The following COL8A1 variants were observed in gnomAD, a reference collection of about 807,000 sequenced individuals.
The protein encoded by COL8A1 is collagen alpha-1(VIII) chain.
Under a neutral mutation model 42.7 loss-of-function variants are expected in COL8A1, and 21 were observed. The observed-to-expected ratio is 0.49, with a 90% CI of 0.35 to 0.71. The LOEUF is 0.71. Ranked by LOEUF, COL8A1 falls within the 30% of genes least tolerant of loss-of-function variation. The probability of loss-of-function intolerance (pLI) is 0.01; values close to 1 mark genes in which losing one functional copy is unlikely to be tolerated. For synonymous variants in COL8A1, 367 were observed against 369.1 expected (o/e 0.99, Z 0.06); for missense variants, 788 against 962.4 (o/e 0.82, Z 2.40).
intron 1 of COL8A1, among the ~76,000 whole-genome samples, chr3:99,670,851 G>A (rs1938521297): frequency 6.6e-6 from 1 of 151,590 alleles, no homozygotes; most frequent in African/African-American, 2.4e-5. Context: ...TATATCTATG[G>A]CTGGTTTAAG....
intron 2 of COL8A1, among the ~76,000 whole-genome samples, chr3:99,776,285 A>T (rs1941690954): frequency 6.6e-6 from 1 of 152,164 alleles, no homozygotes; most frequent in Non-Finnish European, 1.5e-5. Flanking sequence ...AGGGGAAAAA[A>T]CAGAAAGTCT....
chr3:99,722,894 T>A (rs940168637), intron 1 of COL8A1, among the ~76,000 whole-genome samples: 1 of 152,086 alleles, frequency 6.6e-6, no homozygotes, highest in East Asian at 1.9e-4. Flanking sequence ...AGAACACATT[T>A]ACCTGTTAAT....
chr3:99,689,900 G>A (rs1181207712), intron 1 of COL8A1, among the ~76,000 whole-genome samples: 2 of 152,062 alleles, frequency 1.3e-5, no homozygotes, highest in Non-Finnish European at 2.9e-5. Flanking sequence ...TGCTGAAAGC[G>A]GTCACACCCA....
chr3:99,721,241 T>C (rs888381498), intron 1 of COL8A1, among the ~76,000 whole-genome samples: 10 of 151,864 alleles, frequency 6.6e-5, no homozygotes, highest in African/African-American at 2.2e-4. Flanking sequence ...GTGAGTTGTG[T>C]AATGTAATAT....
intron 1 of COL8A1, among the ~76,000 whole-genome samples, chr3:99,726,626 C>A (rs200151812): frequency 1.2e-4 from 19 of 152,010 alleles, no homozygotes; most frequent in African/African-American, 3.4e-4. Flanking sequence ...AGCTTTCTAC[C>A]TATGGCTATC....
chr3:99,735,563 T>C (rs1413838186), intron 1 of COL8A1, among the ~76,000 whole-genome samples: 1 of 150,850 alleles, frequency 6.6e-6, no homozygotes, highest in African/African-American at 2.5e-5. Flanking sequence ...CAGTATTTTA[T>C]TGAGGATTTT....
chr3:99,707,179 C>T (rs62281858), intron 1 of COL8A1: 12,949 of 152,158 alleles, frequency 0.085, 634 homozygotes, highest in Middle Eastern at 0.11. Flanking sequence ...GGTAAGGCCC[C>T]GGTCTCTCTA....
intron 1 of COL8A1, among the ~76,000 whole-genome samples, chr3:99,696,925 CTTG>C (rs1472697620): frequency 3.3e-5 from 5 of 149,506 alleles, no homozygotes; most frequent in Non-Finnish European, 5.9e-5. Context: ...ACAAAAATAA[CTTG>C]TTGTAATTTA....
At chr3:99,705,614 C>G (rs899966516) in intron 1 of COL8A1, among the ~76,000 whole-genome samples, 14 of 152,226 alleles carry the variant, frequency 9.2e-5, no homozygotes, top group Non-Finnish European at 1.9e-4. Context: ...TATCATAATA[C>G]TGGTTGATAA....
intron 2 of COL8A1, among the ~76,000 whole-genome samples, chr3:99,760,129 G>C (rs961875378): frequency 6.6e-6 from 1 of 151,648 alleles, no homozygotes; most frequent in Non-Finnish European, 1.5e-5. Flanking sequence ...AAATCAACTA[G>C]AGACTCAAAA....
rs564448411 is a variant in COL8A1, at chr3:99,714,285, C to T, written c.-128-30612C>T. 2.2e-4 allele frequency among the ~76,000 whole-genome samples: 34 copies of T among 152,200 alleles called. No individual in the cohort carries two copies. The South Asian group carries it at 4.6e-3, about 20-fold the overall frequency. On this transcript the variant is annotated intron_variant, in intron 1 of 3. Transcript: ENST00000652472. ...CTTCCTAAAACCTGACCTACCTCAA[C>T]GTCATGACCAGAGATTACATTCTAT...
At chr3:99,738,725 G>T (rs1479359687) in intron 1 of COL8A1, among the ~76,000 whole-genome samples, 1 of 133,700 alleles carries the variant, frequency 7.5e-6, no homozygotes, top group Non-Finnish European at 1.7e-5. Flanking sequence ...AGGCAGGCAG[G>T]CCTCCTTGAG....
chr3:99,676,495 ATAAAT>A (rs1481019873), intron 1 of COL8A1, among the ~76,000 whole-genome samples: 1 of 152,164 alleles, frequency 6.6e-6, no homozygotes, highest in African/African-American at 2.4e-5. Context: ...AAATCACAAA[ATAAAT>A]TCAATAGATT....
At chr3:99,707,888 A>G (rs1939726953) in intron 1 of COL8A1, among the ~76,000 whole-genome samples, 1 of 152,090 alleles carries the variant, frequency 6.6e-6, no homozygotes, top group South Asian at 2.1e-4. Context: ...ACCCCATGAG[A>G]CAGATAGTGT....
chr3:99,766,173 G>T (rs945031854), intron 2 of COL8A1, among the ~76,000 whole-genome samples: 1 of 152,146 alleles, frequency 6.6e-6, no homozygotes, highest in Non-Finnish European at 1.5e-5. Flanking sequence ...TAATTGTCAG[G>T]CATCACCATT....
Position 99,790,766 on chromosome 3 carries a change from TGCCTACTATG to T in COL8A1, c.86_95del (p.Ala29GlyfsTer59). 2 of 1,614,166 alleles carry T rather than the reference TGCCTACTATG, an allele frequency of 1.2e-6. No homozygotes were observed. The highest frequency in any genetic ancestry group is 1.7e-6 in the Non-Finnish European group (2 of 1,180,040). ...GTTCCATCAGGCTCATTCAGGCTGGTGCCTACTATGGGATCAAGCCGCTGCCACCTCAAAT... is the reference window on the plus strand; with the variant it reads ...GTTCCATCAGGCTCATTCAGGCTGGTGGATCAAGCCGCTGCCACCTCAAAT... On this transcript the variant is annotated frameshift_variant, in exon 3 of 4. Coordinates refer to ENST00000652472, the MANE Select transcript of COL8A1 (RefSeq NM_020351.4). LOFTEE classifies it high-confidence loss of function.
chr3:99,794,475 A>G lies in COL8A1; in HGVS notation c.574A>G (p.Ile192Val). ...GQKGEIGPMG[I>V]PGPQGPPGPH... ...GAAAGGGGAAATTGGGCCTATGGGGATCCCAGGACCACAAGGACCTCCAGG... is the reference window on the plus strand; with the variant it reads ...GAAAGGGGAAATTGGGCCTATGGGGGTCCCAGGACCACAAGGACCTCCAGG... Residue 192 changes from isoleucine (I) to valine (V), a missense_variant, in exon 4 of 4, where the codon ATC becomes GTC. Around this residue, in one of 4 missense-constraint regions of COL8A1, gnomAD observed 421 missense variants for 553.1 expected, o/e 0.76. Coordinates refer to ENST00000652472, the MANE Select transcript of COL8A1 (RefSeq NM_020351.4). The surrounding 1 kb of genome is among the most constrained non-coding windows in gnomAD (Gnocchi z 4.3). The G allele has an allele frequency of 6.2e-7, 1 of 1,614,032 alleles. No homozygotes were observed. The highest frequency in any genetic ancestry group is 8.5e-7 in the Non-Finnish European group (1 of 1,179,956).
chr3:99,747,438 A>G (rs1941048993), intron 2 of COL8A1, among the ~76,000 whole-genome samples: 1 of 152,236 alleles, frequency 6.6e-6, no homozygotes, highest in South Asian at 2.1e-4. Flanking sequence ...TGTCCCACAC[A>G]TGGGAATTAA....
Position 99,795,342 on chromosome 3 carries a change from C to T in COL8A1, c.1441C>T (p.Pro481Ser). The T allele has an allele frequency of 6.3e-7, 1 of 1,595,892 alleles. No individual in the cohort carries two copies. Among genetic ancestry groups the T allele is most frequent in the Non-Finnish European group, 8.5e-7 (1 of 1,170,902 alleles). The change falls in exon 4 of 4, where the codon CCT (proline) becomes TCT (serine). Residue 481 changes from proline (P) to serine (S), a missense_variant. Transcript: ENST00000652472. ...GLPGVPGLLG[P>S]KGEPGIPGDQ... ...CCCTGGTGTTCCAGGGCTTCTCGGA[C>T]CTAAGGGAGAGCCAGGAATCCCAGG... is the stretch of plus-strand genomic sequence containing the variant.
Sources: gnomAD v4.1 joint callset for allele counts (sites outside exome capture counted in the v4.1 genomes callset) on GRCh38, gnomAD v4.1.1 for gene constraint, gnomAD v4.1.1 regional missense constraint, Gnocchi (gnomAD v3.1) non-coding constraint, MANE v1.5 for transcripts, NCBI Gene and HGNC (gene_info 2026-07-23, HGNC 2026-07-21) for gene names.